Variants in RTN3 observed in about 807,000 individuals in gnomAD.
The protein encoded by RTN3 is reticulon 3.
In RTN3, 49 loss-of-function variants were observed where a neutral mutation model predicts 77.8. The observed-to-expected ratio is 0.63, with a 90% confidence interval of 0.50 to 0.80. The LOEUF (loss-of-function observed/expected upper bound fraction) is 0.80. Ranked by LOEUF, RTN3 falls within the 30% of genes least tolerant of loss-of-function variation. RTN3 has a pLI of 0.00. For synonymous variants in RTN3, 464 were observed against 446.9 expected, an observed-to-expected ratio of 1.04 and a Z score of -0.48; for missense variants, 1,236 against 1,211.9, an observed-to-expected ratio of 1.02 and a Z score of -0.29.
intron 3 of RTN3, among the ~76,000 whole-genome samples, chr11:63,731,531 A>G (rs1237632322): frequency 6.6e-6 from 1 of 152,272 alleles, no homozygotes; most frequent in East Asian, 1.9e-4. Context: ...TCTATAGATA[A>G]AAGAAGAAAT....
intron 3 of RTN3, among the ~76,000 whole-genome samples, chr11:63,734,676 G>A (rs1369373541): frequency 6.6e-6 from 1 of 151,686 alleles, no homozygotes; most frequent in African/African-American, 2.4e-5. Context: ...AGGTTGCAAT[G>A]AGCCGAGTTC....
intron 1 of RTN3, among the ~76,000 whole-genome samples, chr11:63,703,857 C>G (rs1332054004): frequency 1.3e-5 from 2 of 151,796 alleles, no homozygotes; most frequent in Non-Finnish European, 2.9e-5. Flanking sequence ...TATCTTTGTA[C>G]ATGTATGCAA....
Position 63,681,678 on chromosome 11 carries a change from C to G in RTN3, c.42C>G (p.Ser14=). ...CGGCCACTCAGTCCCATTCCATCTC[C>G]TCGTCGTCCTTCGGAGCCGAGCCGT... ...PSAATQSHSI[S]SSSFGAEPSA... Residue 14 remains serine (S), a synonymous_variant, in exon 1 of 9, where the codon TCC becomes TCG. Coordinates refer to ENST00000377819, the MANE Select transcript of RTN3 (RefSeq NM_001265589.2). 1 of 1,611,886 alleles carries G rather than the reference C, an allele frequency of 6.2e-7. No homozygotes were observed. Among genetic ancestry groups the G allele is most frequent in the East Asian group, 2.2e-5 (1 of 44,764 alleles).
In RTN3 at chr11:63,719,689, C is replaced by T; in HGVS notation, c.1187C>T (p.Thr396Ile). 6.2e-7 allele frequency: 1 copy of T among 1,614,142 alleles called. No individual in the cohort carries two copies. The highest frequency in any genetic ancestry group is 8.5e-7 in the Non-Finnish European group (1 of 1,180,026). The part of the protein sequence containing the change: ...KTPVCSIDGS[T>I]PITKSTGDWA... The stretch of plus-strand genomic sequence containing the variant: ...CCTGTATGTTCTATTGATGGGAGCA[C>T]TCCCATCACTAAATCAACAGGTGAT... Residue 396 changes from threonine (T) to isoleucine (I), a missense_variant, in exon 3 of 9, where the codon ACT (threonine) becomes ATT (isoleucine). Physicochemically the swap from Thr to Ile is moderately conservative, Grantham distance 89. Around this residue, in one of 3 missense-constraint regions of RTN3, gnomAD observed 1,056 missense variants for 990.4 expected, o/e 1.07. Transcript: ENST00000377819.
intron 2 of RTN3, among the ~76,000 whole-genome samples, chr11:63,707,287 G>A (rs190921948): frequency 1.4e-3 from 211 of 152,162 alleles, no homozygotes; most frequent in Non-Finnish European, 2.1e-3. Context: ...AATGTATAAC[G>A]TTGAAAAGAT....
chr11:63,698,436 G>T (rs1468713203), intron 1 of RTN3, among the ~76,000 whole-genome samples: 1 of 152,196 alleles, frequency 6.6e-6, no homozygotes, highest in African/African-American at 2.4e-5. Flanking sequence ...GTTTTTCATA[G>T]TCTTAATTTA....
intron 3 of RTN3, among the ~76,000 whole-genome samples, chr11:63,742,012 C>T (rs1417675771): frequency 7.5e-5 from 11 of 145,778 alleles, no homozygotes; most frequent in Non-Finnish European, 1.5e-4. Context: ...TGGAGTCTCG[C>T]TCTGTTGCCC....
intron 3 of RTN3, among the ~76,000 whole-genome samples, chr11:63,736,163 T>A (rs1448259229): frequency 6.6e-6 from 1 of 152,116 alleles, no homozygotes; most frequent in Non-Finnish European, 1.5e-5. Context: ...TCCTGGAAGT[T>A]GTGGAATGAG....
intron 3 of RTN3, among the ~76,000 whole-genome samples, chr11:63,730,136 T>G: frequency 6.6e-6 from 1 of 151,972 alleles, no homozygotes; most frequent in East Asian, 1.9e-4. Flanking sequence ...CTGGCTTATT[T>G]TTGTATTTTT....
chr11:63,744,228 A>G (rs1030854423), intron 3 of RTN3, among the ~76,000 whole-genome samples: 10 of 134,208 alleles, frequency 7.5e-5, no homozygotes, highest in African/African-American at 2.9e-4. Flanking sequence ...GCGACAGAGC[A>G]AGACTCTGTC....
chr11:63,721,355 A>G (rs1288260728), intron 3 of RTN3, among the ~76,000 whole-genome samples: 1 of 152,106 alleles, frequency 6.6e-6, no homozygotes, highest in Non-Finnish European at 1.5e-5. Flanking sequence ...CGGGCGGATC[A>G]CAAGGTCAGG....
chr11:63,759,421 T>C lies in RTN3; in HGVS notation c.*1220T>C, dbSNP rs1590905415. 1 of 152,596 alleles carries C rather than the reference T, an allele frequency of 6.6e-6. No individual in the cohort carries two copies. The highest frequency in any genetic ancestry group is 1.5e-5 in the Non-Finnish European group (1 of 68,032). 9.5% of individuals were successfully genotyped at this position (152,596 alleles called of 1,614,324 possible). A position where few individuals can be genotyped will look rare whatever the true frequency, so the allele number is the denominator to read the frequency against. On this transcript the variant is annotated 3_prime_UTR_variant, in exon 9 of 9. Coordinates refer to ENST00000377819, the MANE Select transcript of RTN3 (RefSeq NM_001265589.2). ...CCCAAAGTACGGCAGCTGCAAAAAG[T>C]AGTGGAAGGAAATTGTCTACGTGTC...
chr11:63,681,704 C>G lies in RTN3; in HGVS notation c.68C>G (p.Ser23Cys). 6.2e-7 allele frequency: 1 copy of G among 1,611,096 alleles called. No homozygotes were observed. Among genetic ancestry groups the G allele is most frequent in the Non-Finnish European group, 8.5e-7 (1 of 1,178,764 alleles). ...TCGTCGTCCTTCGGAGCCGAGCCGT[C>G]CGCGCCCGGCGGCGGCGGGAGCCCA... ...ISSSSFGAEP[S>C]APGGGGSPGA... The change falls in exon 1 of 9, where the codon TCC becomes TGC. Residue 23 changes from serine (S) to cysteine (C), a missense_variant. Around this residue, in one of 3 missense-constraint regions of RTN3, gnomAD observed 1,056 missense variants for 990.4 expected, o/e 1.07. Coordinates refer to ENST00000377819, the MANE Select transcript of RTN3 (RefSeq NM_001265589.2).
chr11:63,723,758 A>G (rs1386142264), intron 3 of RTN3, among the ~76,000 whole-genome samples: 2 of 152,196 alleles, frequency 1.3e-5, no homozygotes, highest in Non-Finnish European at 2.9e-5. Flanking sequence ...GTGTATCTGC[A>G]TATTCTTCCT....
intron 3 of RTN3, 40 bp downstream of exon 3, chr11:63,721,072 G>A: frequency 1.3e-6 from 2 of 1,504,730 alleles, no homozygotes; most frequent in Non-Finnish European, 1.8e-6. Flanking sequence ...GGTTAATTCT[G>A]TGATTGATTA....
At position 63,693,446 on chromosome 11, in the gene RTN3, T is replaced by G. The variant is rs1941771809; in HGVS notation, c.143-11405T>G. On this transcript the variant is annotated intron_variant, in intron 1 of 8. Transcript: ENST00000377819. ...TTGTGGTGAGCCGAGATCGCACCAT[T>G]GTACTCCAGCCTGGGCAACAAGAGC... 5.3e-5 allele frequency among the ~76,000 whole-genome samples: 8 copies of G among 152,132 alleles called. No homozygotes were observed. The South Asian group carries it at 1.7e-3, about 32-fold the overall frequency.
chr11:63,695,464 A>G (rs1377977814), intron 1 of RTN3, among the ~76,000 whole-genome samples: 1 of 152,186 alleles, frequency 6.6e-6, no homozygotes, highest in Non-Finnish European at 1.5e-5. Context: ...TGATGAGCTT[A>G]ATGACTTGTT....
intron 3 of RTN3, among the ~76,000 whole-genome samples, chr11:63,724,244 G>A (rs1244645149): frequency 2.2e-5 from 3 of 137,830 alleles, no homozygotes; most frequent in East Asian, 2.2e-4. Flanking sequence ...GTGCAGTGGC[G>A]CAATCTCGGC....
intron 2 of RTN3, among the ~76,000 whole-genome samples, chr11:63,712,315 T>C (rs958681858): frequency 3.3e-5 from 5 of 152,048 alleles, no homozygotes; most frequent in African/African-American, 1.2e-4. Context: ...TTTGGGGACA[T>C]TTATTGGGGA....
Sources: allele counts gnomAD v4.1 joint callset (sites outside exome capture counted in the v4.1 genomes callset), GRCh38; gene constraint gnomAD v4.1.1; regional missense constraint gnomAD v4.1.1; transcripts MANE v1.5; gene names NCBI Gene and HGNC (gene_info 2026-07-23, HGNC 2026-07-21).